The following PATL1 variants were observed in gnomAD, a reference collection of about 807,000 sequenced individuals.
PATL1 encodes protein PAT1 homolog 1.
In PATL1, 32 loss-of-function variants were observed where a neutral mutation model predicts 100.6. The ratio of observed to expected loss-of-function variants is 0.32; its 90% CI spans 0.24 to 0.43. PATL1 has a LOEUF of 0.43. PATL1 is among the 20% of genes least tolerant of loss of function. The probability of loss-of-function intolerance (pLI) is 1.00; values close to 1 mark genes in which losing one functional copy is unlikely to be tolerated. For synonymous variants in PATL1, 332 were observed against 330.0 expected (o/e 1.01, Z -0.07); for missense variants, 747 against 949.9 (o/e 0.79, Z 2.81).
At chr11:59,664,988 A>G (rs1433458960) in intron 2 of PATL1, among the ~76,000 whole-genome samples, 2 of 152,216 alleles carry the variant, frequency 1.3e-5, no homozygotes, top group Non-Finnish European at 2.9e-5. Context: ...CCATGGAGAG[A>G]GATAATAGCA....
In PATL1 at chr11:59,657,550, C is replaced by G. The variant is rs61901655; in HGVS notation, c.601G>C (p.Val201Leu). 1 of 1,607,266 alleles carries G rather than the reference C, an allele frequency of 6.2e-7. No individual in the cohort carries two copies. The highest frequency in any genetic ancestry group is 1.3e-5 in the African/African-American group (1 of 74,858). ...GGTACCTGTTGGGTGAAGCTGGGTACAGCCATCTGTTTAGGTGGGGTGCCT... is the reference window on the plus strand; with the variant it reads ...GGTACCTGTTGGGTGAAGCTGGGTAGAGCCATCTGTTTAGGTGGGGTGCCT... Reference protein sequence around the residue: ...PIGTPPKQMAVPSFTQQILCP... With the variant: ...PIGTPPKQMALPSFTQQILCP... The change falls in exon 5 of 19, where the codon GTA becomes CTA. Residue 201 changes from valine (V) to leucine (L), a missense_variant. Transcript: ENST00000300146.
In PATL1 at chr11:59,655,634, T is replaced by C. The variant is rs764591401; in HGVS notation, c.920A>G (p.Gln307Arg). Residue 307 changes from glutamine (Q) to arginine (R), a missense_variant, in exon 8 of 19, where the codon CAG becomes CGG. Around this residue, in one of 4 missense-constraint regions of PATL1, gnomAD observed 434 missense variants for 596.1 expected, o/e 0.73. Coordinates refer to ENST00000300146, the MANE Select transcript of PATL1 (RefSeq NM_152716.3). Reference sequence around the variant, plus strand: ...GAAGCCTGGTGCTGGGGGAAGCATCTGCCCAACTCGCCCTTGTAGCAACTT... The same window carrying C: ...GAAGCCTGGTGCTGGGGGAAGCATCCGCCCAACTCGCCCTTGTAGCAACTT... ...NPKLLQGRVG[Q>R]MLPPAPGFRA... 1 of 1,599,502 alleles carries C rather than the reference T, an allele frequency of 6.3e-7. No homozygotes were observed. Among genetic ancestry groups the C allele is most frequent in the East Asian group, 2.3e-5 (1 of 44,432 alleles).
In PATL1 at chr11:59,659,401, C is replaced by T. The variant is rs1861596052; in HGVS notation, c.196G>A (p.Glu66Lys). ...LEEKLPVAVNEQTGNGERDEM... is the reference protein window; with the variant it reads ...LEEKLPVAVNKQTGNGERDEM... ...TCTCTCTCTCCATTGCCTGTTTGTT[C>T]ATTAACTGCCACTGGTAGCTTTTCT... is the stretch of plus-strand genomic sequence containing the variant. The change falls in exon 3 of 19, where the codon GAA becomes AAA. Residue 66 changes from glutamate to lysine, a missense_variant. Physicochemically the swap from Glu to Lys is moderately conservative, Grantham distance 56 (BLOSUM62 1). Coordinates refer to ENST00000300146, the MANE Select transcript of PATL1 (RefSeq NM_152716.3). 6.4e-7 allele frequency: 1 copy of T among 1,551,390 alleles called. No homozygotes were observed. Among genetic ancestry groups the T allele is most frequent in the East Asian group, 2.4e-5 (1 of 40,922 alleles).
At chr11:59,651,431 C>T in intron 12 of PATL1, 113 bp downstream of exon 12, 1 of 754,216 alleles carries the variant, frequency 1.3e-6, no homozygotes. Context: ...AGGTGGGAGG[C>T]CCCGGGTTAG....
At chr11:59,666,052 C>T (rs762587050) in intron 2 of PATL1, among the ~76,000 whole-genome samples, 7 of 152,012 alleles carry the variant, frequency 4.6e-5, no homozygotes, top group Non-Finnish European at 1.0e-4. Context: ...CTTTGGGAGG[C>T]CGAGATGGGC....
intron 13 of PATL1, 150 bp downstream of exon 13, chr11:59,650,604 T>C (rs1273012498): frequency 1.8e-6 from 1 of 554,422 alleles, no homozygotes; most frequent in South Asian, 2.7e-5. Flanking sequence ...TCCAAAGTTA[T>C]GTGGTACACA....
Position 59,668,881 on chromosome 11 carries a change from C to A in PATL1, c.15G>T (p.Glu5Asp). 1 of 1,267,948 alleles carries A rather than the reference C, an allele frequency of 7.9e-7. No homozygotes were observed. The highest frequency in any genetic ancestry group is 1.6e-5 in the South Asian group (1 of 61,808). 78.5% of individuals were successfully genotyped at this position (1,267,948 alleles called of 1,614,324 possible). The change falls in exon 1 of 19, where the codon GAG (glutamate) becomes GAT (aspartate). Residue 5 changes from glutamate (E) to aspartate (D), a missense_variant and splice_region_variant. Glu to Asp is a conservative substitution (Grantham distance 45). Coordinates refer to ENST00000300146, the MANE Select transcript of PATL1 (RefSeq NM_152716.3). MFRY[E>D]SLEDCPLDED... is the part of the protein sequence containing the mutation. Reference sequence around the variant, plus strand: ...GTCACTTCCGGTCGCAACAGCTCACCTCGTAGCGGAACATTCTTGGGGAGG... The same window carrying A: ...GTCACTTCCGGTCGCAACAGCTCACATCGTAGCGGAACATTCTTGGGGAGG...
chr11:59,653,097 G>GC (rs374832386), intron 9 of PATL1, 79 bp from the exon 10 acceptor site: 2 of 820,294 alleles, frequency 2.4e-6, no homozygotes, highest in African/African-American at 1.9e-5. Flanking sequence ...AACCAGGCCA[G>GC]TTTTTTTTTT....
intron 9 of PATL1, among the ~76,000 whole-genome samples, chr11:59,653,637 T>C (rs552755829): frequency 6.6e-6 from 1 of 152,344 alleles, no homozygotes; most frequent in African/African-American, 2.4e-5. Context: ...CTAGACCCAG[T>C]TTCCAGCTTC....
chr11:59,659,666 A>C (rs1861601685), intron 2 of PATL1, among the ~76,000 whole-genome samples, 197 bp from the exon 3 acceptor site: 1 of 151,830 alleles, frequency 6.6e-6, no homozygotes, highest in Non-Finnish European at 1.5e-5. Context: ...AAGTAGCTGG[A>C]GTAGCTGGGA....
At chr11:59,647,196 CTG>C (rs1008679158) in intron 15 of PATL1, among the ~76,000 whole-genome samples, 2 of 134,478 alleles carry the variant, frequency 1.5e-5, no homozygotes, top group African/African-American at 2.9e-5. Flanking sequence ...GCCCTACTGC[CTG>C]TGTGACAGAG....
At chr11:59,666,809 A>G in intron 2 of PATL1, 44 bp downstream of exon 2, 1 of 1,532,874 alleles carries the variant, frequency 6.5e-7, no homozygotes, top group Non-Finnish European at 8.8e-7. Context: ...ACTTGAAAAG[A>G]GCAGGAGGCT....
At chr11:59,664,831 A>C (rs994584393) in intron 2 of PATL1, among the ~76,000 whole-genome samples, 1 of 152,164 alleles carries the variant, frequency 6.6e-6, no homozygotes, top group Non-Finnish European at 1.5e-5. Context: ...TGACCTCCCA[A>C]AGTGCTGAGA....
chr11:59,638,563 G>A (rs1344727457), intron 18 of PATL1, among the ~76,000 whole-genome samples, 152 bp from the exon 19 acceptor site: 1 of 152,118 alleles, frequency 6.6e-6, no homozygotes, highest in African/African-American at 2.4e-5. Flanking sequence ...CTTTTATGAA[G>A]GCCCTGTTGT....
chr11:59,656,941 T>C (rs1201295509), intron 5 of PATL1: 1 of 358,324 alleles, frequency 2.8e-6, no homozygotes, highest in African/African-American at 2.2e-5. Context: ...ATAAGAAAGC[T>C]GGAGGATTAA....
chr11:59,639,274 G>C lies in PATL1; in HGVS notation c.2141+18C>G, dbSNP rs1218406148. The C allele has an allele frequency of 1.9e-6, 3 of 1,560,974 alleles. No individual in the cohort carries two copies. The highest frequency in any genetic ancestry group is 2.6e-6 in the Non-Finnish European group (3 of 1,152,250). ...CCTCAAAGAACTTAAAATAAGAGAA[G>C]AAACAGTCCACACTGACCACTGATT... On this transcript the variant is annotated intron_variant, in intron 17 of 18. Coordinates refer to ENST00000300146, the MANE Select transcript of PATL1 (RefSeq NM_152716.3).
Position 59,655,936 on chromosome 11 carries a change from A to G in PATL1, c.813+20T>C. The G allele has an allele frequency of 6.5e-7, 1 of 1,543,306 alleles. No individual in the cohort carries two copies. The highest frequency in any genetic ancestry group is 8.9e-7 in the Non-Finnish European group (1 of 1,129,924). ...GAAAGTAGGAGAGTTCTTTATGGGT[A>G]GGGCTAATCACAGGCTTACCTGTGC... On this transcript the variant is annotated intron_variant, in intron 7 of 18. Coordinates refer to ENST00000300146, the MANE Select transcript of PATL1 (RefSeq NM_152716.3).
chr11:59,644,952 G>A (rs1452191400), intron 15 of PATL1, among the ~76,000 whole-genome samples: 1 of 133,706 alleles, frequency 7.5e-6, no homozygotes, highest in African/African-American at 2.8e-5. Context: ...CCCACTCTTA[G>A]AGGTGTTAAG....
chr11:59,653,843 T>C, intron 9 of PATL1, 140 bp downstream of exon 9: 1 of 665,826 alleles, frequency 1.5e-6, no homozygotes, highest in Non-Finnish European at 2.6e-6. Context: ...TTTTCATATT[T>C]ACATGTTGAT....
Sources: allele counts gnomAD v4.1 joint callset (sites outside exome capture counted in the v4.1 genomes callset), GRCh38; gene constraint gnomAD v4.1.1; regional missense constraint gnomAD v4.1.1; transcripts MANE v1.5; gene names NCBI Gene and HGNC (gene_info 2026-07-23, HGNC 2026-07-21).